Variants in DIAPH1 observed in about 807,000 individuals in gnomAD.
The protein encoded by DIAPH1 is diaphanous related formin 1.
DIAPH1 carries 46 observed loss-of-function variants against 140.7 expected under a neutral mutation model. The observed-to-expected ratio is 0.33, with a 90% CI of 0.26 to 0.42. DIAPH1 has a LOEUF of 0.42. DIAPH1 is among the 10% of genes least tolerant of loss of function. DIAPH1 has a pLI of 1.00. For synonymous variants in DIAPH1, 565 were observed against 551.6 expected, an observed-to-expected ratio of 1.02 and a Z score of -0.34; for missense variants, 1,310 against 1,558.7, an observed-to-expected ratio of 0.84 and a Z score of 2.69.
At chr5:141,583,382 A>T in intron 5 of DIAPH1, 90 bp from the exon 6 acceptor site, 1 of 1,606,412 alleles carries the variant, frequency 6.2e-7, no homozygotes, top group Non-Finnish European at 8.5e-7. Context: ...ACTACTCCCA[A>T]TTCAGACTAT....
intron 1 of DIAPH1, among the ~76,000 whole-genome samples, chr5:141,617,844 T>C (rs912396356): frequency 1.3e-5 from 2 of 152,142 alleles, no homozygotes; most frequent in Non-Finnish European, 2.9e-5. Flanking sequence ...TTCACTCGGA[T>C]TGAAAGTAAC....
chr5:141,605,592 A>G (rs1317572118), intron 1 of DIAPH1, among the ~76,000 whole-genome samples: 2 of 152,230 alleles, frequency 1.3e-5, no homozygotes, highest in African/African-American at 2.4e-5. Flanking sequence ...TGACAATGCA[A>G]TGTGAGAAAG....
In DIAPH1 at chr5:141,539,258, C is replaced by G. The variant is rs569742587; in HGVS notation, c.2483-4825G>C. On this transcript the variant is annotated intron_variant, in intron 18 of 27. Transcript: ENST00000389054. ...CCCCAGTGCACTCCAGCCTGGGCAA[C>G]AGAGCAAGACCATGTGTCAAAAAAA... Among the ~76,000 whole-genome samples, 40 of 150,354 alleles carry G rather than the reference C, an allele frequency of 2.7e-4. 1 individual carries two copies. The highest frequency in any genetic ancestry group is 1.9e-3 in the South Asian group (9 of 4,788).
chr5:141,539,418 G>T (rs909972293), intron 18 of DIAPH1, among the ~76,000 whole-genome samples: 155 of 132,522 alleles, frequency 1.2e-3, no homozygotes, highest in East Asian at 2.3e-3. Flanking sequence ...GGGTAGTTTT[G>T]TTTTTTTTTT....
chr5:141,617,059 TCAC>T (rs1341487004), intron 1 of DIAPH1, among the ~76,000 whole-genome samples: 3 of 152,112 alleles, frequency 2.0e-5, no homozygotes, highest in South Asian at 2.1e-4. Flanking sequence ...GTCACTGAGG[TCAC>T]CACAAGTCAG....
intron 18 of DIAPH1, among the ~76,000 whole-genome samples, chr5:141,553,742 TAAG>T (rs1397782853): frequency 6.6e-6 from 1 of 151,838 alleles, no homozygotes; most frequent in Non-Finnish European, 1.5e-5. Flanking sequence ...AAAATTAGAA[TAAG>T]AATAATAAAA....
At chr5:141,582,626 C>T (rs917048441) in intron 6 of DIAPH1, among the ~76,000 whole-genome samples, 2 of 152,146 alleles carry the variant, frequency 1.3e-5, no homozygotes, top group Non-Finnish European at 2.9e-5. Flanking sequence ...TTTTAACTCT[C>T]CCTAGGCTCC....
rs114720855 is a variant in DIAPH1 at position 141,611,013 on chromosome 5, C to T, written c.117+7785G>A. Among the ~76,000 whole-genome samples the T allele has an allele frequency of 2.5e-3, 375 of 152,098 alleles. 4 individuals are homozygous for T. Among genetic ancestry groups the T allele is most frequent in the African/African-American group, 8.7e-3 (359 of 41,472 alleles). On this transcript the variant is annotated intron_variant, in intron 1 of 27. Transcript: ENST00000389054. ...ACCGAGGCAGCTGGATTGCTTGAGC[C>T]CAGGAGGTCGATGCTGCAACTGAGT...
chr5:141,582,059 CAAAAAAAAAAAAAAA>C (rs70991705), intron 7 of DIAPH1: 32 of 79,774 alleles, frequency 4.0e-4, no homozygotes, highest in Middle Eastern at 4.5e-3. Context: ...GACTCCATCT[CAAAAAAAAAAAAAAA>C]AAAAAAAAAA....
chr5:141,547,189 T>C (rs532368439), intron 18 of DIAPH1, among the ~76,000 whole-genome samples: 1 of 152,340 alleles, frequency 6.6e-6, no homozygotes, highest in Admixed American at 6.5e-5. Context: ...AAAAAATCTA[T>C]GAACATTCAG....
intron 1 of DIAPH1, among the ~76,000 whole-genome samples, chr5:141,596,860 G>A (rs1436362150): frequency 6.6e-6 from 1 of 152,154 alleles, no homozygotes; most frequent in Non-Finnish European, 1.5e-5. Flanking sequence ...GAGAGAAAGC[G>A]GGGCTGGGGG....
chr5:141,583,984 T>C, intron 4 of DIAPH1, 140 bp downstream of exon 4: 1 of 662,554 alleles, frequency 1.5e-6, no homozygotes. Flanking sequence ...AATAAGACAG[T>C]AAAAAGTGAA....
In DIAPH1 at chr5:141,573,788, G is replaced by C; in HGVS notation, c.2062C>G (p.Pro688Ala). Residue 688 changes from proline to alanine, a missense_variant, in exon 16 of 28, where the codon CCC becomes GCC. Pro to Ala is a conservative substitution (Grantham distance 27, BLOSUM62 -1). Transcript: ENST00000389054. ...PPPLPGSARI[P>A]PPPPPLPGSA... ...CCAGGCAAAGGAGGTGGTGGTGGGG[G>C]GATTCTAGCACTCCCAGGCAAAGGA... 4.2e-6 allele frequency: 5 copies of C among 1,194,866 alleles called. No individual in the cohort carries two copies. Among genetic ancestry groups the C allele is most frequent in the Non-Finnish European group, 5.5e-6 (5 of 902,496 alleles). 74.0% of individuals were successfully genotyped at this position (1,194,866 alleles called of 1,614,324 possible).
chr5:141,586,927 GT>G, intron 3 of DIAPH1, 114 bp downstream of exon 3: 2 of 1,116,950 alleles, frequency 1.8e-6, no homozygotes, highest in Non-Finnish European at 2.7e-6. Flanking sequence ...AAAGTTCCAT[GT>G]TAAGCCTGGA....
intron 18 of DIAPH1, among the ~76,000 whole-genome samples, chr5:141,568,691 G>T (rs1265736844): frequency 6.6e-6 from 1 of 152,132 alleles, no homozygotes; most frequent in Non-Finnish European, 1.5e-5. Context: ...AGTGAGGCAG[G>T]TGCTTTCTTC....
chr5:141,578,373 AC>A, intron 10 of DIAPH1, 30 bp from the exon 11 acceptor site: 1 of 1,577,554 alleles, frequency 6.3e-7, no homozygotes, highest in South Asian at 1.1e-5. Flanking sequence ...AAGTCAGGGA[AC>A]CCAAAAGTAT....
intron 1 of DIAPH1, among the ~76,000 whole-genome samples, chr5:141,601,224 A>G (rs1193032937): frequency 6.6e-6 from 1 of 151,556 alleles, no homozygotes; most frequent in African/African-American, 2.4e-5. Flanking sequence ...CTTAAAGTAT[A>G]ATAAATAAAA....
chr5:141,542,331 G>A (rs2154595413), intron 18 of DIAPH1, among the ~76,000 whole-genome samples: 1 of 152,168 alleles, frequency 6.6e-6, no homozygotes, highest in African/African-American at 2.4e-5. Flanking sequence ...TACTCGGGAG[G>A]CTGAGGCAAG....
chr5:141,534,513 A>G, intron 18 of DIAPH1, 80 bp from the exon 19 acceptor site: 1 of 1,097,666 alleles, frequency 9.1e-7, no homozygotes, highest in Non-Finnish European at 1.4e-6. Context: ...GTCCAGCGTG[A>G]AATGGCCCCT....
Sources: allele counts gnomAD v4.1 joint callset (sites outside exome capture counted in the v4.1 genomes callset), GRCh38; gene constraint gnomAD v4.1.1; transcripts MANE v1.5; gene names NCBI Gene and HGNC (gene_info 2026-07-23, HGNC 2026-07-21).